TBC1D2: variants seen among roughly 807,000 people sequenced by gnomAD.
TBC1D2 encodes the protein TBC1 domain family member 2, also known as TBC1 domain family member 2A.
Under a neutral mutation model 91.1 loss-of-function variants are expected in TBC1D2, and 58 were observed. That is an observed-to-expected ratio of 0.64 (90% CI 0.52 to 0.79). TBC1D2 has a LOEUF of 0.79. Among genes scored for constraint, TBC1D2 ranks in the 30% least tolerant of loss-of-function variants. TBC1D2 has a pLI of 0.00. For missense variants in TBC1D2, 1,080 were observed against 1,208.3 expected, an observed-to-expected ratio of 0.89 and a Z score of 1.57; for synonymous variants, 482 against 511.5, an observed-to-expected ratio of 0.94 and a Z score of 0.78.
chr9:98,226,210 C>T (rs1158813203), intron 5 of TBC1D2, among the ~76,000 whole-genome samples: 1 of 152,224 alleles, frequency 6.6e-6, no homozygotes, highest in Non-Finnish European at 1.5e-5. Flanking sequence ...TGCCATTCCT[C>T]CCTTCCTAAT....
chr9:98,233,105 A>G (rs1425673935), intron 4 of TBC1D2, among the ~76,000 whole-genome samples: 1 of 152,204 alleles, frequency 6.6e-6, no homozygotes, highest in East Asian at 1.9e-4. Flanking sequence ...AGCAGCAGAG[A>G]CCAGAGCTCT....
In TBC1D2 at chr9:98,218,498, C is replaced by T. The variant is rs1362709805; in HGVS notation, c.1374+2335G>A. Reference sequence around the variant, plus strand: ...AGGAGAATGGCGTGAACCTGGGAGGCGGAGCTTGCAGTGAGCCGAGACCGC... The same window carrying T: ...AGGAGAATGGCGTGAACCTGGGAGGTGGAGCTTGCAGTGAGCCGAGACCGC... On this transcript the variant is annotated intron_variant, in intron 6 of 12. Coordinates refer to ENST00000465784, the MANE Select transcript of TBC1D2 (RefSeq NM_001267571.2). Among the ~76,000 whole-genome samples, 8 of 151,940 alleles carry T rather than the reference C, an allele frequency of 5.3e-5. No homozygotes were observed. In the East Asian group the frequency reaches 5.8e-4, roughly 11 times the overall value.
At position 98,233,633 on chromosome 9, in the gene TBC1D2, T is replaced by G. The variant is rs112406755; in HGVS notation, c.648-84A>C. The G allele has an allele frequency of 1.3e-4, 206 of 1,555,168 alleles. 1 individual carries two copies. In the African/African-American group the frequency reaches 2.3e-3, roughly 17 times the overall value. ...TCCTTCCCGCCACCACTGCTGGAGC[T>G]CAGGTCTCATCCCCACACCCTGTCA... On this transcript the variant is annotated intron_variant, in intron 3 of 12. Coordinates refer to ENST00000465784, the MANE Select transcript of TBC1D2 (RefSeq NM_001267571.2).
At chr9:98,242,000 T>C (rs796961793) in intron 3 of TBC1D2, among the ~76,000 whole-genome samples, 12 of 152,244 alleles carry the variant, frequency 7.9e-5, no homozygotes, top group African/African-American at 2.9e-4. Context: ...ACCACCCTCC[T>C]AGTCACTCAA....
chr9:98,209,515 C>T (rs966425585), intron 8 of TBC1D2, among the ~76,000 whole-genome samples: 1 of 152,132 alleles, frequency 6.6e-6, no homozygotes, highest in Non-Finnish European at 1.5e-5. Flanking sequence ...CATACAGAAC[C>T]CCACTTACCA....
chr9:98,239,554 G>C (rs1163734637), intron 3 of TBC1D2, among the ~76,000 whole-genome samples: 2 of 152,118 alleles, frequency 1.3e-5, no homozygotes, highest in Admixed American at 1.3e-4. Flanking sequence ...CTTTTTATAT[G>C]CTGCTGAATT....
intron 4 of TBC1D2, among the ~76,000 whole-genome samples, chr9:98,230,945 C>G (rs970056669): frequency 3.3e-5 from 5 of 152,106 alleles, no homozygotes; most frequent in African/African-American, 1.2e-4. Context: ...TGTTCCAGAT[C>G]GAAGAGAAAT....
At chr9:98,227,550 A>C (rs1450499926) in intron 5 of TBC1D2, among the ~76,000 whole-genome samples, 1 of 152,126 alleles carries the variant, frequency 6.6e-6, no homozygotes, top group Non-Finnish European at 1.5e-5. Flanking sequence ...TGAGGTCAGG[A>C]GTTCGAAACC....
intron 2 of TBC1D2, among the ~76,000 whole-genome samples, chr9:98,244,962 C>T (rs975328711): frequency 2.6e-5 from 4 of 151,962 alleles, no homozygotes; most frequent in Non-Finnish European, 5.9e-5. Flanking sequence ...AAAATTGGGC[C>T]GGGCGCAGTG....
chr9:98,253,433 A>G (rs1029259973), intron 1 of TBC1D2, among the ~76,000 whole-genome samples: 1 of 152,092 alleles, frequency 6.6e-6, no homozygotes, highest in African/African-American at 2.4e-5. Context: ...CTCCCTGAGT[A>G]CCAGCCTTGC....
chr9:98,199,730 A>C (rs997904678), intron 12 of TBC1D2, 142 bp from the exon 13 acceptor site: 3 of 821,756 alleles, frequency 3.7e-6, no homozygotes, highest in Non-Finnish European at 4.0e-6. Context: ...AACAATGAAT[A>C]AGATGATTTC....
intron 4 of TBC1D2, among the ~76,000 whole-genome samples, chr9:98,232,205 C>G (rs1308896160): frequency 6.6e-6 from 1 of 152,084 alleles, no homozygotes; most frequent in East Asian, 1.9e-4. Context: ...CATGAAGTAA[C>G]TGCTAGTGTT....
chr9:98,202,359 G>A (rs1185777930), intron 10 of TBC1D2, among the ~76,000 whole-genome samples: 1 of 152,138 alleles, frequency 6.6e-6, no homozygotes, highest in Non-Finnish European at 1.5e-5. Context: ...CCTCTGTGAT[G>A]ACTCCATTTC....
chr9:98,200,801 A>G (rs935876252), intron 11 of TBC1D2, among the ~76,000 whole-genome samples: 1 of 152,140 alleles, frequency 6.6e-6, no homozygotes, highest in Non-Finnish European at 1.5e-5. Context: ...GGATCATCTG[A>G]GGTCAGGAGT....
Position 98,255,405 on chromosome 9 carries a change from T to C in TBC1D2, c.137A>G (p.Lys46Arg). 1 of 1,613,574 alleles carries C rather than the reference T, an allele frequency of 6.2e-7. No individual in the cohort carries two copies. The highest frequency in any genetic ancestry group is 8.5e-7 in the Non-Finnish European group (1 of 1,179,512). Residue 46 changes from lysine (K) to arginine (R), a missense_variant, in exon 1 of 13, where the codon AAG becomes AGG. By Grantham distance (26) the Lys-to-Arg change is conservative. Transcript: ENST00000465784. ...DCARSLEAVP[K>R]KLCGYLSKFG... ...CTTACTTAAATACCCACAGAGTTTCTTGGGGACCGCCTCCAGGGACCGGGC... is the reference window on the plus strand; with the variant it reads ...CTTACTTAAATACCCACAGAGTTTCCTGGGGACCGCCTCCAGGGACCGGGC...
rs547900674 is a variant in TBC1D2, at chr9:98,212,018, G to C, written c.1485+1090C>G. On this transcript the variant is annotated intron_variant, in intron 7 of 12. Transcript: ENST00000465784. ...TCACCATGTTGCCCAGGCTGGTCTT[G>C]AACTCTAGCCCCAAGGGATCCACCT... Among the ~76,000 whole-genome samples, 107 of 151,938 alleles carry C rather than the reference G, an allele frequency of 7.0e-4. 1 individual carries two copies. Among genetic ancestry groups the C allele is most frequent in the African/African-American group, 2.2e-3 (93 of 41,430 alleles).
rs1338188918 is a variant in TBC1D2, at chr9:98,220,829, C to T, written c.1374+4G>A. The T allele has an allele frequency of 1.2e-6, 2 of 1,613,218 alleles. No individual in the cohort carries two copies. On this transcript the variant is annotated splice_donor_region_variant and intron_variant, in intron 6 of 12. Transcript: ENST00000465784. ...ACTGGCAGGCCCTGAGGGGAGGCCC[C>T]TACCTTCAGGTGCTCTATCTTCCCC...
At chr9:98,234,094 C>G (rs1829443643) in intron 3 of TBC1D2, among the ~76,000 whole-genome samples, 2 of 152,192 alleles carry the variant, frequency 1.3e-5, no homozygotes, top group African/African-American at 4.8e-5. Context: ...TCAGATCTGT[C>G]CTCTGTGCAG....
chr9:98,214,256 C>T (rs149531990), intron 6 of TBC1D2, among the ~76,000 whole-genome samples: 1,573 of 128,598 alleles, frequency 0.012, 44 homozygotes, highest in African/African-American at 0.045. Context: ...AGGATGACTC[C>T]GACGTGGCCA....
Sources: gnomAD v4.1 joint callset for allele counts (sites outside exome capture counted in the v4.1 genomes callset) on GRCh38, gnomAD v4.1.1 for gene constraint, MANE v1.5 for transcripts, NCBI Gene and HGNC (gene_info 2026-07-23, HGNC 2026-07-21) for gene names.